The following SUFU variants were observed in gnomAD, a reference collection of about 807,000 sequenced individuals.
The protein encoded by SUFU is SUFU negative regulator of hedgehog signaling.
SUFU carries 7 observed loss-of-function variants against 58.9 expected under a neutral mutation model. The observed-to-expected ratio is 0.12, with a 90% CI of 0.07 to 0.22. The LOEUF is 0.22. Among genes scored for constraint, SUFU ranks in the 10% least tolerant of loss-of-function variants. The probability of loss-of-function intolerance (pLI) is 1.00; values close to 1 mark genes in which losing one functional copy is unlikely to be tolerated. For synonymous variants in SUFU, 232 were observed against 254.8 expected (o/e 0.91, Z 0.85); for missense variants, 451 against 641.3 (o/e 0.70, Z 3.20).
In SUFU at chr10:102,567,081, G is replaced by A. The variant is rs548973967; in HGVS notation, c.454+16975G>A. Among the ~76,000 whole-genome samples the A allele has an allele frequency of 4.3e-4, 46 of 107,024 alleles. No individual in the cohort carries two copies. In the South Asian group the frequency reaches 0.011, roughly 26 times the overall value. The allele number at this position is 107,024 out of a possible 152,430, so 70.2% of individuals were successfully genotyped here. A position where few individuals can be genotyped will look rare whatever the true frequency, so the allele number is the denominator to read the frequency against. ...GGCTGGAGTGCAGTGACACAATCTC[G>A]GCTCACTGCAACCTCTGCCTCCCGG... is the stretch of plus-strand genomic sequence containing the variant. On this transcript the variant is annotated intron_variant, in intron 3 of 11. Transcript: ENST00000369902.
intron 8 of SUFU, among the ~76,000 whole-genome samples, chr10:102,603,889 C>T (rs1397200167): frequency 6.6e-6 from 1 of 152,172 alleles, no homozygotes; most frequent in Non-Finnish European, 1.5e-5. Context: ...TTGTTTTGCT[C>T]AGCTTGTGAG....
At chr10:102,586,659 C>T (rs950725938) in intron 3 of SUFU, among the ~76,000 whole-genome samples, 2 of 152,022 alleles carry the variant, frequency 1.3e-5, no homozygotes, top group Non-Finnish European at 1.5e-5. Flanking sequence ...GGCGACAGAG[C>T]GAGACTCCGT....
At position 102,506,527 on chromosome 10, in the gene SUFU, C is replaced by T. The variant is rs569830968; in HGVS notation, c.182+2193C>T. 9.2e-5 allele frequency among the ~76,000 whole-genome samples: 14 copies of T among 152,252 alleles called. No individual in the cohort carries two copies. The East Asian group carries it at 1.9e-3, about 21-fold the overall frequency. On this transcript the variant is annotated intron_variant, in intron 1 of 11. Coordinates refer to ENST00000369902, the MANE Select transcript of SUFU (RefSeq NM_016169.4). ...CCAAGTAGCTGATATTACAGGCACA[C>T]GCCACCTTGCCCAGCTAATTTTTGT...
intron 8 of SUFU, among the ~76,000 whole-genome samples, chr10:102,612,385 G>A (rs942483268): frequency 1.3e-5 from 2 of 152,112 alleles, no homozygotes; most frequent in African/African-American, 4.8e-5. Flanking sequence ...GTGGGCACTT[G>A]TCACATTAAT....
chr10:102,503,952 G>GC (rs2062283076), upstream of SUFU: 5 of 684,250 alleles, frequency 7.3e-6, no homozygotes, highest in Non-Finnish European at 1.1e-5. Context: ...GCGCCCCGCC[G>GC]CCCCGAGGCA....
intron 10 of SUFU, among the ~76,000 whole-genome samples, chr10:102,621,099 G>A (rs1487102707): frequency 2.0e-5 from 3 of 152,190 alleles, no homozygotes; most frequent in African/African-American, 7.2e-5. Flanking sequence ...GTGCTGCCGA[G>A]CTCTCCTCTG....
At chr10:102,627,001 T>A (rs932825517) in intron 10 of SUFU, among the ~76,000 whole-genome samples, 174 bp from the exon 11 acceptor site, 5 of 151,106 alleles carry the variant, frequency 3.3e-5, no homozygotes, top group African/African-American at 1.2e-4. Context: ...GAGGTGAGGG[T>A]GTGGGGGGAA....
At chr10:102,543,934 T>C (rs2062828260) in intron 2 of SUFU, among the ~76,000 whole-genome samples, 1 of 152,160 alleles carries the variant, frequency 6.6e-6, no homozygotes, top group Non-Finnish European at 1.5e-5. Flanking sequence ...CATAAGAAGA[T>C]AGACTTAATT....
At chr10:102,509,429 G>C (rs2135621455) in intron 2 of SUFU, 126 bp downstream of exon 2, 1 of 1,361,544 alleles carries the variant, frequency 7.3e-7, no homozygotes, top group South Asian at 1.2e-5. Flanking sequence ...TCTGCCCTCT[G>C]ACTATATCTA....
rs1007110765 is a variant in SUFU at position 102,509,358 on chromosome 10, A to C, written c.317+55A>C. The C allele has an allele frequency of 5.6e-6, 9 of 1,605,512 alleles. No individual in the cohort carries two copies. The African/African-American group carries it at 1.2e-4, about 21-fold the overall frequency. ...GAGCCTTATTCCTGAGGTCTTCCTG[A>C]GCAGGGGTGACAATGTCATAGTGCT... On this transcript the variant is annotated intron_variant, in intron 2 of 11. Coordinates refer to ENST00000369902, the MANE Select transcript of SUFU (RefSeq NM_016169.4).
chr10:102,568,892 AAAAAAATATAT>A (rs2063123590), intron 3 of SUFU, among the ~76,000 whole-genome samples: 4 of 39,318 alleles, frequency 1.0e-4, no homozygotes, highest in African/African-American at 5.7e-4. Context: ...AAAAAAAAAA[AAAAAAATATAT>A]ATATATATAT....
At chr10:102,514,662 A>G (rs1405130188) in intron 2 of SUFU, among the ~76,000 whole-genome samples, 2 of 152,192 alleles carry the variant, frequency 1.3e-5, no homozygotes, top group African/African-American at 4.8e-5. Flanking sequence ...CTCAGCTGCC[A>G]AGTGCTGTCG....
At position 102,632,520 on chromosome 10, in the gene SUFU, G is replaced by A. The variant is rs1429233267; in HGVS notation, c.*2365G>A. On this transcript the variant is annotated 3_prime_UTR_variant, in exon 12 of 12. Transcript: ENST00000369902. ...TTGGTGCCTCCCAGAGGTTTCTTGGGCTGCTGGCTGGTGAGAGAGGACCCT... is the reference window on the plus strand; with the variant it reads ...TTGGTGCCTCCCAGAGGTTTCTTGGACTGCTGGCTGGTGAGAGAGGACCCT... The A allele has an allele frequency of 1.3e-5, 3 of 233,216 alleles. No homozygotes were observed. The highest frequency in any genetic ancestry group is 8.5e-6 in the Non-Finnish European group (1 of 118,158). 14.4% of individuals were successfully genotyped at this position (233,216 alleles called of 1,614,324 possible).
chr10:102,531,755 T>C (rs2062680085), intron 2 of SUFU, among the ~76,000 whole-genome samples: 1 of 152,162 alleles, frequency 6.6e-6, no homozygotes, highest in Non-Finnish European at 1.5e-5. Flanking sequence ...GGGCTAGTGG[T>C]TGGCCTGGCT....
At chr10:102,611,704 C>A (rs1476383962) in intron 8 of SUFU, among the ~76,000 whole-genome samples, 1 of 152,232 alleles carries the variant, frequency 6.6e-6, no homozygotes, top group Non-Finnish European at 1.5e-5. Flanking sequence ...GCACTATTGG[C>A]CTTATCTGAG....
At chr10:102,627,323 G>A (rs2063795241) in intron 11 of SUFU, 80 bp downstream of exon 11, 8 of 1,266,996 alleles carry the variant, frequency 6.3e-6, no homozygotes, top group Admixed American at 3.4e-5. Context: ...GTCTGTGCAT[G>A]CATGTGTGCG....
At chr10:102,508,006 C>T (rs971333855) in intron 1 of SUFU, among the ~76,000 whole-genome samples, 1 of 149,474 alleles carries the variant, frequency 6.7e-6, no homozygotes, top group Admixed American at 6.6e-5. Flanking sequence ...CACTCTGTCA[C>T]CCAGGCTGGA....
At chr10:102,527,105 C>A (rs2062618172) in intron 2 of SUFU, among the ~76,000 whole-genome samples, 1 of 149,814 alleles carries the variant, frequency 6.7e-6, no homozygotes, top group Admixed American at 6.7e-5. Context: ...TGGTGTCATG[C>A]CATTCTCCTG....
chr10:102,568,921 CACATATATATATATATA>C (rs2063128328), intron 3 of SUFU, among the ~76,000 whole-genome samples: 1 of 9,538 alleles, frequency 1.0e-4, no homozygotes, highest in Non-Finnish European at 1.9e-4. Flanking sequence ...TATATATATA[CACATATATATATATATA>C]TATATATATA....
Sources: gnomAD v4.1 joint callset for allele counts (sites outside exome capture counted in the v4.1 genomes callset) on GRCh38, gnomAD v4.1.1 for gene constraint, MANE v1.5 for transcripts, NCBI Gene and HGNC (gene_info 2026-07-23, HGNC 2026-07-21) for gene names.